Variants in USP4 observed in about 807,000 individuals in gnomAD.
USP4 encodes the protein ubiquitin carboxyl-terminal hydrolase 4.
Under a neutral mutation model 118.2 loss-of-function variants are expected in USP4, and 72 were observed. The ratio of observed to expected loss-of-function variants is 0.61; its 90% CI spans 0.50 to 0.74. The LOEUF is 0.74. Ranked by LOEUF, USP4 falls within the 30% of genes least tolerant of loss-of-function variation. The pLI, the probability that USP4 is intolerant of heterozygous loss-of-function variation, is 0.00. For missense variants in USP4, 1,037 were observed against 1,185.7 expected (o/e 0.87, Z 1.84); for synonymous variants, 415 against 440.4 (o/e 0.94, Z 0.72).
chr3:49,279,070 T>C (rs2046990560), intron 20 of USP4, 168 bp from the exon 21 acceptor site: 1 of 422,904 alleles, frequency 2.4e-6, no homozygotes, highest in African/African-American at 2.1e-5. Flanking sequence ...CCTTCTTTTC[T>C]AATCTGTTCC....
At chr3:49,299,254 T>C (rs1455857826) in intron 11 of USP4, among the ~76,000 whole-genome samples, 2 of 151,096 alleles carry the variant, frequency 1.3e-5, no homozygotes, top group African/African-American at 2.4e-5. Flanking sequence ...CACGCCTGGA[T>C]AATTTTTGTA....
chr3:49,325,592 A>G, intron 4 of USP4, 127 bp downstream of exon 4: 2 of 1,413,612 alleles, frequency 1.4e-6, no homozygotes, highest in Non-Finnish European at 1.9e-6. Flanking sequence ...ACTGGCAACT[A>G]CAGCTCGAGA....
At chr3:49,295,852 T>C (rs1358516185) in intron 13 of USP4, among the ~76,000 whole-genome samples, 1 of 151,984 alleles carries the variant, frequency 6.6e-6, no homozygotes, top group Non-Finnish European at 1.5e-5. Context: ...TCCAGCATAG[T>C]GGTAAAGAAC....
At position 49,277,317 on chromosome 3, in the gene USP4, C is replaced by T. The variant is rs914235485; in HGVS notation, c.*976G>A. The T allele has an allele frequency of 2.1e-5, 24 of 1,122,700 alleles. No individual in the cohort carries two copies. The highest frequency in any genetic ancestry group is 2.7e-5 in the Admixed American group (1 of 37,644). 69.5% of individuals were successfully genotyped at this position (1,122,700 alleles called of 1,614,324 possible). A position where few individuals can be genotyped will look rare whatever the true frequency, so the allele number is the denominator to read the frequency against. ...ACCCATACGTCCGGTTCCTTAAGGC[C>T]TTGCCCACACGCAGCGGCTGGCCCC... On this transcript the variant is annotated 3_prime_UTR_variant, in exon 22 of 22. Coordinates refer to ENST00000265560, the MANE Select transcript of USP4 (RefSeq NM_003363.4).
intron 8 of USP4, among the ~76,000 whole-genome samples, chr3:49,309,338 C>T (rs1175942822): frequency 6.6e-6 from 1 of 152,192 alleles, no homozygotes; most frequent in South Asian, 2.1e-4. Flanking sequence ...TGAAGCTGGA[C>T]TTTAACTCCT....
intron 10 of USP4, among the ~76,000 whole-genome samples, chr3:49,302,055 C>A (rs1046234471): frequency 2.0e-5 from 3 of 151,764 alleles, no homozygotes; most frequent in Non-Finnish European, 4.4e-5. Context: ...CAAGAGGAAG[C>A]CTTAGGAGTA....
At chr3:49,322,084 G>A (rs1258032106) in intron 6 of USP4, among the ~76,000 whole-genome samples, 1 of 152,146 alleles carries the variant, frequency 6.6e-6, no homozygotes, top group Non-Finnish European at 1.5e-5. Flanking sequence ...CCCTGACCAA[G>A]AAACAGGACA....
At chr3:49,303,543 C>T (rs1265590954) in intron 9 of USP4, among the ~76,000 whole-genome samples, 1 of 147,832 alleles carries the variant, frequency 6.8e-6, no homozygotes, top group Non-Finnish European at 1.5e-5. Context: ...ACATTAATTA[C>T]AATTAAAAAC....
intron 6 of USP4, among the ~76,000 whole-genome samples, chr3:49,321,825 C>T (rs148718476): frequency 0.01 from 1,556 of 152,094 alleles, 36 homozygotes; most frequent in African/African-American, 0.034. Flanking sequence ...GAAACCCCGT[C>T]TCTACTAAAA....
chr3:49,335,047 T>C (rs571604862), intron 2 of USP4, among the ~76,000 whole-genome samples: 6 of 152,312 alleles, frequency 3.9e-5, no homozygotes, highest in Admixed American at 2.0e-4. Context: ...ACTAGTTATA[T>C]GATAAAAACA....
chr3:49,321,784 A>G (rs1253633298), intron 6 of USP4, among the ~76,000 whole-genome samples: 1 of 151,522 alleles, frequency 6.6e-6, no homozygotes, highest in East Asian at 2.0e-4. Flanking sequence ...ACTTGAGGCT[A>G]GAAGTTCGAG....
chr3:49,296,709 T>C (rs1352886420), intron 13 of USP4, among the ~76,000 whole-genome samples: 3 of 152,250 alleles, frequency 2.0e-5, no homozygotes, highest in Non-Finnish European at 4.4e-5. Flanking sequence ...ATAAAACAAT[T>C]GTCAATTCAA....
chr3:49,300,121 C>A (rs988753131), intron 11 of USP4, among the ~76,000 whole-genome samples: 4 of 152,080 alleles, frequency 2.6e-5, no homozygotes, highest in Admixed American at 2.6e-4. Context: ...GTGGTACACG[C>A]CTGTAATCCC....
chr3:49,309,137 T>C (rs1165362757), intron 8 of USP4, among the ~76,000 whole-genome samples: 1 of 151,548 alleles, frequency 6.6e-6, no homozygotes, highest in East Asian at 1.9e-4. Flanking sequence ...CCTATATGCC[T>C]CTTCCCTTGG....
chr3:49,315,765 T>G (rs1039364422), intron 6 of USP4, among the ~76,000 whole-genome samples: 3 of 152,166 alleles, frequency 2.0e-5, no homozygotes, highest in African/African-American at 7.2e-5. Flanking sequence ...GGTGGGACCC[T>G]GTAACATCCC....
chr3:49,304,512 TC>T (rs2107782505), intron 9 of USP4, among the ~76,000 whole-genome samples: 1 of 151,824 alleles, frequency 6.6e-6, no homozygotes, highest in Non-Finnish European at 1.5e-5. Flanking sequence ...ACTTAGGGGG[TC>T]CCAACTCAAA....
At chr3:49,286,369 T>G (rs748688565) in intron 15 of USP4, 44 bp from the exon 16 acceptor site, 37 of 1,581,722 alleles carry the variant, frequency 2.3e-5, no homozygotes, top group Middle Eastern at 1.7e-4. Context: ...TTTCCTACCA[T>G]TTCAATGTTA....
At chr3:49,279,170 G>T (rs2046991366) in intron 20 of USP4, 1 of 219,600 alleles carries the variant, frequency 4.6e-6, no homozygotes, top group Non-Finnish European at 9.0e-6. Context: ...AAAAAACAGA[G>T]CTATTCAGTG....
intron 6 of USP4, chr3:49,316,627 T>TTTCA (rs1307030374): frequency 6.0e-6 from 1 of 165,522 alleles, no homozygotes; most frequent in Non-Finnish European, 1.3e-5. Context: ...TTAACTTATT[T>TTTCA]TTCATTCATT....
Sources: allele counts gnomAD v4.1 joint callset (sites outside exome capture counted in the v4.1 genomes callset), GRCh38; gene constraint gnomAD v4.1.1; transcripts MANE v1.5; gene names NCBI Gene and HGNC (gene_info 2026-07-23, HGNC 2026-07-21).